The following APBA1 variants were observed in gnomAD, a reference collection of about 807,000 sequenced individuals.
APBA1 encodes amyloid beta precursor protein binding family A member 1.
Under a neutral mutation model 86.6 loss-of-function variants are expected in APBA1, and 55 were observed. The observed-to-expected ratio is 0.64, with a 90% CI of 0.51 to 0.80. The LOEUF (loss-of-function observed/expected upper bound fraction) is 0.80. APBA1 is among the 30% of genes least tolerant of loss of function. APBA1 has a pLI of 0.00. For missense variants in APBA1, 1,090 were observed against 1,183.0 expected (o/e 0.92, Z 1.15); for synonymous variants, 511 against 493.9 (o/e 1.03, Z -0.46).
At position 69,431,306 on chromosome 9, in the gene APBA1, T is replaced by C. The variant is rs1477076780; in HGVS notation, c.*21A>G. ...CACGAAGAGGAGAGTCCTCCATGCATGCCACCGCGTGTGGCCGCGGTCAGA... is the reference window on the plus strand; with the variant it reads ...CACGAAGAGGAGAGTCCTCCATGCACGCCACCGCGTGTGGCCGCGGTCAGA... On this transcript the variant is annotated 3_prime_UTR_variant, in exon 13 of 13. Coordinates refer to ENST00000265381, the MANE Select transcript of APBA1 (RefSeq NM_001163.4). 1.9e-6 allele frequency: 3 copies of C among 1,580,404 alleles called. No individual in the cohort carries two copies. The highest frequency in any genetic ancestry group is 1.8e-5 in the Admixed American group (1 of 54,464).
At chr9:69,446,344 C>G (rs537899666) in intron 10 of APBA1, among the ~76,000 whole-genome samples, 3 of 152,302 alleles carry the variant, frequency 2.0e-5, no homozygotes, top group Admixed American at 2.0e-4. Context: ...CAGCTGTGCT[C>G]TAATCGGGGT....
chr9:69,520,118 G>C (rs1391142294), intron 1 of APBA1, among the ~76,000 whole-genome samples: 4 of 152,172 alleles, frequency 2.6e-5, no homozygotes, highest in African/African-American at 9.7e-5. Context: ...ATTGCAACAT[G>C]TTAATGAATA....
chr9:69,477,279 C>G (rs1424459582), intron 2 of APBA1, among the ~76,000 whole-genome samples: 1 of 151,162 alleles, frequency 6.6e-6, no homozygotes, highest in African/African-American at 2.4e-5. Context: ...GTGCGCCAGC[C>G]GAAGCAGGGC....
At chr9:69,481,665 C>G (rs1286760035) in intron 2 of APBA1, among the ~76,000 whole-genome samples, 2 of 150,918 alleles carry the variant, frequency 1.3e-5, no homozygotes, top group Non-Finnish European at 3.0e-5. Flanking sequence ...ATCGCCAAGG[C>G]AATCCTAAGC....
At chr9:69,455,239 G>A (rs1475947279) in intron 8 of APBA1, among the ~76,000 whole-genome samples, 2 of 152,176 alleles carry the variant, frequency 1.3e-5, no homozygotes, top group East Asian at 3.9e-4. Context: ...GTGAGAAACA[G>A]AGCCTATTCC....
chr9:69,434,793 G>A (rs1000648557), intron 11 of APBA1, among the ~76,000 whole-genome samples: 5 of 151,344 alleles, frequency 3.3e-5, no homozygotes, highest in South Asian at 2.1e-4. Flanking sequence ...CCACTTTAAC[G>A]TTTTTATTAT....
intron 1 of APBA1, among the ~76,000 whole-genome samples, chr9:69,611,993 T>C (rs1822600618): frequency 6.6e-6 from 1 of 152,176 alleles, no homozygotes; most frequent in South Asian, 2.1e-4. Flanking sequence ...TGGCATCCAC[T>C]TTTGTCTGGT....
intron 1 of APBA1, among the ~76,000 whole-genome samples, chr9:69,606,962 A>C (rs188200734): frequency 2.6e-5 from 4 of 152,342 alleles, no homozygotes; most frequent in Admixed American, 1.3e-4. Context: ...ACATTAAAAA[A>C]TACAATCATA....
chr9:69,476,214 G>A, intron 2 of APBA1, 71 bp from the exon 3 acceptor site: 1 of 1,138,666 alleles, frequency 8.8e-7, no homozygotes, highest in South Asian at 1.4e-5. Context: ...GGGGAAAGGG[G>A]CCGGGAGAGA....
Position 69,516,472 on chromosome 9 carries a change from C to G in APBA1, c.739G>C (p.Asp247His), listed in dbSNP as rs745552520. ...HYDERSDGESDSPEKEAEFAP... is the reference protein window; with the variant it reads ...HYDERSDGESHSPEKEAEFAP... ...AACTCGGCCTCCTTCTCGGGGCTGT[C>G]GGACTCGCCGTCGGAGCGCTCGTCG... is the stretch of plus-strand genomic sequence containing the variant. The change falls in exon 2 of 13, where the codon GAC (aspartate) becomes CAC (histidine). Residue 247 changes from aspartate (D) to histidine (H), a missense_variant. Asp to His is a moderately conservative substitution (Grantham distance 81, BLOSUM62 -1). Around this residue, in one of 6 missense-constraint regions of APBA1, gnomAD observed 678 missense variants for 647.1 expected, o/e 1.05. Coordinates refer to ENST00000265381, the MANE Select transcript of APBA1 (RefSeq NM_001163.4). This position sits in a 1 kb window ranked among gnomAD's most constrained non-coding sequence, Gnocchi z 7.3. 1.2e-6 allele frequency: 2 copies of G among 1,601,284 alleles called. No homozygotes were observed. The highest frequency in any genetic ancestry group is 1.7e-6 in the Non-Finnish European group (2 of 1,178,422).
intron 1 of APBA1, among the ~76,000 whole-genome samples, chr9:69,602,950 C>T (rs1472882140): frequency 6.6e-6 from 1 of 152,214 alleles, no homozygotes; most frequent in Non-Finnish European, 1.5e-5. Flanking sequence ...AGTCAATCAT[C>T]TTTCTTATCA....
intron 1 of APBA1, among the ~76,000 whole-genome samples, chr9:69,651,734 C>G (rs113356954): frequency 0.056 from 8,495 of 152,282 alleles, 389 homozygotes; most frequent in African/African-American, 0.12. Context: ...CCTGGGCCTC[C>G]CAGAGCGCTG....
chr9:69,522,738 A>G (rs1028444258), intron 1 of APBA1, among the ~76,000 whole-genome samples: 1 of 152,218 alleles, frequency 6.6e-6, no homozygotes, highest in Non-Finnish European at 1.5e-5. Context: ...TCTGGATTTC[A>G]TGAGCTAGTG....
At chr9:69,491,739 T>G (rs1297918562) in intron 2 of APBA1, among the ~76,000 whole-genome samples, 1 of 151,280 alleles carries the variant, frequency 6.6e-6, no homozygotes, top group Non-Finnish European at 1.5e-5. Context: ...GTTACATACA[T>G]AGTTACATTT....
chr9:69,640,820 C>T (rs1027981857), intron 1 of APBA1, among the ~76,000 whole-genome samples: 9 of 151,984 alleles, frequency 5.9e-5, no homozygotes, highest in Admixed American at 5.9e-4. Context: ...TAGCTAACAC[C>T]GCACTTAATG....
At chr9:69,537,665 A>C (rs1282746934) in intron 1 of APBA1, among the ~76,000 whole-genome samples, 1 of 152,078 alleles carries the variant, frequency 6.6e-6, no homozygotes, top group Non-Finnish European at 1.5e-5. Flanking sequence ...AATTGTTGTC[A>C]ATCTGGTAAG....
At chr9:69,623,906 T>G (rs1341402772) in intron 1 of APBA1, among the ~76,000 whole-genome samples, 1 of 152,228 alleles carries the variant, frequency 6.6e-6, no homozygotes, top group Non-Finnish European at 1.5e-5. Context: ...ATACCTCTCT[T>G]ATCTTGCTGT....
At chr9:69,492,753 T>A (rs1164290664) in intron 2 of APBA1, among the ~76,000 whole-genome samples, 1 of 152,048 alleles carries the variant, frequency 6.6e-6, no homozygotes, top group Non-Finnish European at 1.5e-5. Flanking sequence ...ATAGCATAGT[T>A]CACACACGGC....
intron 2 of APBA1, among the ~76,000 whole-genome samples, chr9:69,488,582 G>A (rs1183696315): frequency 4.6e-5 from 7 of 152,122 alleles, no homozygotes; most frequent in African/African-American, 1.7e-4. Context: ...GTACACATAT[G>A]CAGGGATTCC....
Sources: allele counts gnomAD v4.1 joint callset (sites outside exome capture counted in the v4.1 genomes callset), GRCh38; gene constraint gnomAD v4.1.1; regional missense constraint gnomAD v4.1.1; non-coding constraint Gnocchi (gnomAD v3.1); transcripts MANE v1.5; gene names NCBI Gene and HGNC (gene_info 2026-07-23, HGNC 2026-07-21).